Variants in CCT4 observed in about 807,000 individuals in gnomAD.
CCT4 encodes chaperonin containing TCP1 subunit 4.
A neutral mutation model predicts 62.5 loss-of-function variants in CCT4; 17 were observed. That is an observed-to-expected ratio of 0.27 (90% CI 0.19 to 0.41). The LOEUF (loss-of-function observed/expected upper bound fraction) is 0.41. Ranked by LOEUF, CCT4 falls within the 10% of genes least tolerant of loss-of-function variation. The probability of loss-of-function intolerance (pLI) is 1.00; values close to 1 mark genes in which losing one functional copy is unlikely to be tolerated. For missense variants in CCT4, 592 were observed against 659.2 expected (o/e 0.90, Z 1.12); for synonymous variants, 250 against 229.9 (o/e 1.09, Z -0.79).
chr2:61,884,097 TAC>T (rs67487542), intron 2 of CCT4, among the ~76,000 whole-genome samples: 22,305 of 152,174 alleles, frequency 0.15, 2,079 homozygotes, highest in Non-Finnish European at 0.22. Context: ...CACATTAAGA[TAC>T]AAAGTTACAT....
intron 6 of CCT4, 112 bp downstream of exon 6, chr2:61,877,281 C>T (rs1669020953): frequency 8.5e-6 from 10 of 1,178,408 alleles, no homozygotes; most frequent in South Asian, 3.0e-5. Flanking sequence ...GAAAACAAAA[C>T]CAAAAAGAGA....
chr2:61,875,966 A>T (rs1315460862), intron 8 of CCT4, 129 bp downstream of exon 8: 1 of 566,126 alleles, frequency 1.8e-6, no homozygotes, highest in Non-Finnish European at 3.1e-6. Context: ...CGTTTCACCT[A>T]AGAGTTGTCT....
intron 7 of CCT4, 60 bp from the exon 8 acceptor site, chr2:61,876,294 A>G: frequency 9.6e-6 from 13 of 1,348,142 alleles, no homozygotes; most frequent in Non-Finnish European, 1.3e-5. Context: ...TAAAAGTAGA[A>G]TTTTAAGCGA....
chr2:61,887,742 T>A (rs1669290901), intron 1 of CCT4, among the ~76,000 whole-genome samples: 1 of 152,238 alleles, frequency 6.6e-6, no homozygotes, highest in Non-Finnish European at 1.5e-5. Flanking sequence ...TCTTCCTGAT[T>A]TCCAACGTGT....
At chr2:61,877,171 T>C (rs1332645573) in intron 6 of CCT4, 119 bp from the exon 7 acceptor site, 3 of 1,000,102 alleles carry the variant, frequency 3.0e-6, no homozygotes. Flanking sequence ...TCACATTTAT[T>C]ATTGCCCCAC....
intron 12 of CCT4, among the ~76,000 whole-genome samples, chr2:61,870,977 AG>A (rs1158266821): frequency 3.9e-4 from 3 of 7,634 alleles, no homozygotes; most frequent in Admixed American, 1.6e-3. Context: ...AACTACGGGA[AG>A]GAAAAAAAAA....
chr2:61,869,108 C>T (rs565826397), intron 13 of CCT4, among the ~76,000 whole-genome samples: 25 of 145,570 alleles, frequency 1.7e-4, no homozygotes, highest in Non-Finnish European at 3.1e-4. Flanking sequence ...TGCCACTGCA[C>T]TCCAGCCTGG....
Position 61,878,875 on chromosome 2 carries a change from G to A in CCT4, c.516C>T (p.Asn172=), listed in dbSNP as rs1440409600. The A allele has an allele frequency of 1.2e-6, 2 of 1,605,384 alleles. No homozygotes were observed. The highest frequency in any genetic ancestry group is 2.7e-5 in the African/African-American group (2 of 74,714). Residue 172 remains asparagine, a synonymous_variant, in exon 5 of 14, where the codon AAC becomes AAT. Transcript: ENST00000394440. ...TLLNSATTSL[N]SKVVSQYSSL... is the part of the protein sequence containing the mutation. ...CCGTTAGTGTTTGTCTCACCTTTGA[G>A]TTCAGTGAAGTGGTTGCACTATTTA...
chr2:61,885,172 G>T, intron 1 of CCT4, 100 bp from the exon 2 acceptor site: 1 of 823,542 alleles, frequency 1.2e-6, no homozygotes, highest in Non-Finnish European at 1.8e-6. Flanking sequence ...AAACTCCTGG[G>T]CTCAAGCAAC....
Position 61,872,182 on chromosome 2 carries a change from G to A in CCT4, c.1391C>T (p.Thr464Ile). 6.2e-7 allele frequency: 1 copy of A among 1,613,994 alleles called. No individual in the cohort carries two copies. Among genetic ancestry groups the A allele is most frequent in the Admixed American group, 1.7e-5 (1 of 60,010 alleles). ...FADAMEVIPS[T>I]LAENAGLNPI... ...ATTCAGGCCGGCATTTTCAGCTAGTGTAGATGGAATGACCTCCATAGCATC... is the reference window on the plus strand; with the variant it reads ...ATTCAGGCCGGCATTTTCAGCTAGTATAGATGGAATGACCTCCATAGCATC... The change falls in exon 12 of 14, where the codon ACA (threonine) becomes ATA (isoleucine). Residue 464 changes from threonine to isoleucine, a missense_variant. Around this residue, in one of 3 missense-constraint regions of CCT4, gnomAD observed 522 missense variants for 571.2 expected, o/e 0.91. Coordinates refer to ENST00000394440, the MANE Select transcript of CCT4 (RefSeq NM_006430.4).
intron 2 of CCT4, 60 bp from the exon 3 acceptor site, chr2:61,883,608 T>TG (rs1669165221): frequency 1.2e-6 from 1 of 821,090 alleles, no homozygotes; most frequent in East Asian, 2.6e-5. Flanking sequence ...TTATTAAACT[T>TG]TTACATTTCA....
chr2:61,874,913 G>A (rs1668964555), intron 8 of CCT4, among the ~76,000 whole-genome samples: 1 of 152,160 alleles, frequency 6.6e-6, no homozygotes, highest in Non-Finnish European at 1.5e-5. Flanking sequence ...GGGAGGCCAA[G>A]GCTGGCGGAT....
chr2:61,868,133 T>C lies in CCT4; in HGVS notation c.*559A>G, dbSNP rs1668814169. The C allele has an allele frequency of 6.5e-6, 1 of 153,144 alleles. No individual in the cohort carries two copies. Among genetic ancestry groups the C allele is most frequent in the South Asian group, 2.0e-4 (1 of 4,904 alleles). 9.5% of individuals were successfully genotyped at this position (153,144 alleles called of 1,614,324 possible). ...AAGTAAGATTTGCTACATATATGTA[T>C]ACACTTTTATTTGCAGAAGGAATCC... On this transcript the variant is annotated 3_prime_UTR_variant, in exon 14 of 14. Transcript: ENST00000394440.
At chr2:61,872,858 C>G in intron 10 of CCT4, 144 bp downstream of exon 10, 1 of 679,968 alleles carries the variant, frequency 1.5e-6, no homozygotes, top group Non-Finnish European at 2.6e-6. Flanking sequence ...ACCCGGGAGG[C>G]GGAGCTTGTA....
At chr2:61,879,255 A>AATT in intron 4 of CCT4, among the ~76,000 whole-genome samples, 2 of 70,836 alleles carry the variant, frequency 2.8e-5, no homozygotes, top group South Asian at 4.1e-4. Context: ...CAAATTTTAT[A>AATT]CTTTTTTTTT....
chr2:61,871,832 G>A (rs1668890672), intron 12 of CCT4, among the ~76,000 whole-genome samples: 1 of 152,150 alleles, frequency 6.6e-6, no homozygotes, highest in Admixed American at 6.5e-5. Context: ...GGAAACTGAG[G>A]AACAGACTAA....
At chr2:61,877,215 A>G (rs1286175916) in intron 6 of CCT4, among the ~76,000 whole-genome samples, 163 bp from the exon 7 acceptor site, 1 of 152,214 alleles carries the variant, frequency 6.6e-6, no homozygotes, top group African/African-American at 2.4e-5. Flanking sequence ...CTGCCTTACT[A>G]TCATAAGGTA....
intron 12 of CCT4, among the ~76,000 whole-genome samples, chr2:61,870,795 G>A (rs1668867849): frequency 6.6e-6 from 1 of 151,774 alleles, no homozygotes; most frequent in South Asian, 2.1e-4. Flanking sequence ...GGTGGTGGGC[G>A]CCTGTAGTCC....
At chr2:61,874,390 G>C (rs557218388) in intron 8 of CCT4, among the ~76,000 whole-genome samples, 18 of 151,532 alleles carry the variant, frequency 1.2e-4, no homozygotes, top group Non-Finnish European at 1.6e-4. Context: ...GAGGCCAAGG[G>C]GGGGCAGACC....
Sources: gnomAD v4.1 joint callset for allele counts (sites outside exome capture counted in the v4.1 genomes callset) on GRCh38, gnomAD v4.1.1 for gene constraint, gnomAD v4.1.1 regional missense constraint, MANE v1.5 for transcripts, NCBI Gene and HGNC (gene_info 2026-07-23, HGNC 2026-07-21) for gene names.